Variants in DTWD2 observed in about 807,000 individuals in gnomAD.
The protein encoded by DTWD2 is tRNA-uridine aminocarboxypropyltransferase 2.
DTWD2 carries 39 observed loss-of-function variants against 31.8 expected under a neutral mutation model. The ratio of observed to expected loss-of-function variants is 1.22; its 90% confidence interval spans 0.95 to 1.60. The LOEUF is 1.60. Among genes scored for constraint, DTWD2 ranks in the 40% most tolerant of loss-of-function variants. DTWD2 has a pLI of 0.00. For synonymous variants in DTWD2, 180 were observed against 142.8 expected, an observed-to-expected ratio of 1.26 and a Z score of -1.86; for missense variants, 515 against 381.5, an observed-to-expected ratio of 1.35 and a Z score of -2.92.
intron 1 of DTWD2, among the ~76,000 whole-genome samples, chr5:118,958,460 AAACAAC>A (rs372346156): frequency 2.3e-4 from 35 of 151,440 alleles, no homozygotes; most frequent in African/African-American, 7.0e-4. Context: ...TCCGTCTGAA[AAACAAC>A]AACAACAACA....
intron 1 of DTWD2, among the ~76,000 whole-genome samples, chr5:118,948,337 C>T (rs541431586): frequency 6.5e-4 from 99 of 152,118 alleles, no homozygotes; most frequent in African/African-American, 2.3e-3. Flanking sequence ...AAAAATTAGC[C>T]GGGCATGATG....
At chr5:118,851,631 T>C (rs916947202) in intron 4 of DTWD2, among the ~76,000 whole-genome samples, 2 of 137,564 alleles carry the variant, frequency 1.5e-5, no homozygotes, top group African/African-American at 5.5e-5. Flanking sequence ...GAAAACAGCG[T>C]TCGACAATGA....
At position 118,838,118 on chromosome 5, in the gene DTWD2, A is replaced by G. The variant is rs1478353605; in HGVS notation, c.*2799T>C. 6.6e-6 allele frequency: 1 copy of G among 152,218 alleles called. No homozygotes were observed. Among genetic ancestry groups the G allele is most frequent in the East Asian group, 1.9e-4 (1 of 5,194 alleles). The allele number at this position is 152,218 out of a possible 1,614,324, so 9.4% of individuals were successfully genotyped here. ...TCCAACCTGTAGAAAGTTGCCATGC[A>G]CTGTGACTTACTACTTTGTATAATC... On this transcript the variant is annotated 3_prime_UTR_variant, in exon 6 of 6. Coordinates refer to ENST00000510708, the MANE Select transcript of DTWD2 (RefSeq NM_173666.4).
Position 118,890,871 on chromosome 5 carries a change from A to G in DTWD2, c.597+37666T>C, listed in dbSNP as rs574236507. Among the ~76,000 whole-genome samples the G allele has an allele frequency of 2.0e-5, 3 of 152,240 alleles. No individual in the cohort carries two copies. The East Asian group carries it at 5.8e-4, about 29-fold the overall frequency. The stretch of plus-strand genomic sequence containing the variant: ...GGCGTGGGCCACTGAACCCAGCCCA[A>G]ATGTGTGTTTTAAAATGTGCCTAGT... On this transcript the variant is annotated intron_variant, in intron 4 of 5. Coordinates refer to ENST00000510708, the MANE Select transcript of DTWD2 (RefSeq NM_173666.4).
intron 2 of DTWD2, among the ~76,000 whole-genome samples, chr5:118,944,329 A>G (rs559344551): frequency 7.3e-4 from 111 of 152,344 alleles, no homozygotes; most frequent in Non-Finnish European, 1.2e-3. Context: ...TTAAATTTCT[A>G]TACTATTCAA....
At chr5:118,867,275 A>T (rs1752399947) in intron 4 of DTWD2, among the ~76,000 whole-genome samples, 1 of 152,156 alleles carries the variant, frequency 6.6e-6, no homozygotes, top group Non-Finnish European at 1.5e-5. Context: ...AATTTACCTC[A>T]AAATAACTGA....
intron 4 of DTWD2, among the ~76,000 whole-genome samples, chr5:118,874,599 G>A (rs1209350930): frequency 2.0e-5 from 3 of 152,088 alleles, no homozygotes; most frequent in Non-Finnish European, 4.4e-5. Flanking sequence ...ACCAAGTGGA[G>A]GAAAGAATCT....
At chr5:118,882,054 G>A (rs752288828) in intron 4 of DTWD2, among the ~76,000 whole-genome samples, 6 of 152,104 alleles carry the variant, frequency 3.9e-5, no homozygotes, top group South Asian at 4.1e-4. Flanking sequence ...AGTACCTTCC[G>A]CCTATGAGCC....
chr5:118,927,564 C>T (rs1253949000), intron 4 of DTWD2, among the ~76,000 whole-genome samples: 4 of 151,908 alleles, frequency 2.6e-5, no homozygotes, highest in African/African-American at 9.7e-5. Flanking sequence ...GAAAAAAATG[C>T]ATTCCTGAGT....
chr5:118,934,972 G>GT (rs1028057213), intron 3 of DTWD2, among the ~76,000 whole-genome samples: 3 of 152,078 alleles, frequency 2.0e-5, no homozygotes, highest in African/African-American at 7.2e-5. Context: ...TCAAAGTGTT[G>GT]TTTTTTTGTA....
chr5:118,840,929 A>C lies in DTWD2; in HGVS notation c.885T>G (p.Ser295Arg). ...KLRKMELLMN[S>R]VKI ...AAGAATAACTGTACTAAATTTTAAC[A>C]CTATTCATTAACAATTCCATTTTCC... The change falls in exon 6 of 6, where the codon AGT becomes AGG. Residue 295 changes from serine (S) to arginine (R), a missense_variant. Transcript: ENST00000510708. 1.9e-6 allele frequency: 3 copies of C among 1,613,358 alleles called. No homozygotes were observed. Among genetic ancestry groups the C allele is most frequent in the Non-Finnish European group, 2.5e-6 (3 of 1,179,582 alleles).
intron 4 of DTWD2, among the ~76,000 whole-genome samples, chr5:118,864,612 G>A (rs1043512553): frequency 2.7e-5 from 4 of 148,714 alleles, no homozygotes; most frequent in African/African-American, 4.9e-5. Context: ...GGAGATAGGG[G>A]CCCTATCTTT....
At chr5:118,958,242 C>G (rs934244137) in intron 1 of DTWD2, among the ~76,000 whole-genome samples, 2 of 152,078 alleles carry the variant, frequency 1.3e-5, no homozygotes, top group African/African-American at 4.8e-5. Context: ...ATCATGAGGT[C>G]AGGAGCTCGA....
intron 1 of DTWD2, among the ~76,000 whole-genome samples, chr5:118,985,689 A>G (rs1561483248): frequency 6.6e-6 from 1 of 151,928 alleles, no homozygotes; most frequent in African/African-American, 2.4e-5. Context: ...GATATCAAAC[A>G]CATATAAAAA....
At chr5:118,965,279 G>A (rs960072428) in intron 1 of DTWD2, among the ~76,000 whole-genome samples, 10 of 148,300 alleles carry the variant, frequency 6.7e-5, no homozygotes, top group Admixed American at 3.4e-4. Flanking sequence ...GGCAGCCCCC[G>A]CCCGGCCAGC....
intron 4 of DTWD2, among the ~76,000 whole-genome samples, chr5:118,849,270 A>G (rs1751942411): frequency 6.6e-6 from 1 of 152,216 alleles, no homozygotes; most frequent in South Asian, 2.1e-4. Flanking sequence ...CAAACATAAG[A>G]AAAAAATCTC....
chr5:118,843,191 G>A (rs1276546049), intron 5 of DTWD2, among the ~76,000 whole-genome samples: 1 of 151,596 alleles, frequency 6.6e-6, no homozygotes, highest in African/African-American at 2.4e-5. Context: ...TCCTGACCTC[G>A]TGATCCACCT....
intron 1 of DTWD2, among the ~76,000 whole-genome samples, chr5:118,981,841 C>T (rs951820327): frequency 6.6e-6 from 1 of 151,956 alleles, no homozygotes; most frequent in Non-Finnish European, 1.5e-5. Context: ...TACCCATGGC[C>T]AAAGGTAAAG....
At chr5:118,970,273 A>G (rs1316560496) in intron 1 of DTWD2, among the ~76,000 whole-genome samples, 1 of 152,202 alleles carries the variant, frequency 6.6e-6, no homozygotes, top group Non-Finnish European at 1.5e-5. Flanking sequence ...CTAAAAACAC[A>G]AAAATTAGCC....
Sources: gnomAD v4.1 joint callset for allele counts (sites outside exome capture counted in the v4.1 genomes callset) on GRCh38, gnomAD v4.1.1 for gene constraint, MANE v1.5 for transcripts, NCBI Gene and HGNC (gene_info 2026-07-23, HGNC 2026-07-21) for gene names.